Variants in DISC1 observed in about 807,000 individuals in gnomAD.
DISC1 encodes the protein disrupted in schizophrenia 1 protein.
A neutral mutation model predicts 84.5 loss-of-function variants in DISC1; 57 were observed. That is an observed-to-expected ratio of 0.67 (90% CI 0.55 to 0.84). DISC1 has a LOEUF of 0.84. Among genes scored for constraint, DISC1 ranks in the 40% least tolerant of loss-of-function variants. The pLI is 0.00. For missense variants in DISC1, 1,000 were observed against 1,057.8 expected (o/e 0.95, Z 0.76); for synonymous variants, 411 against 415.2 (o/e 0.99, Z 0.12).
At chr1:231,759,592 T>G (rs1318237430) in intron 4 of DISC1, among the ~76,000 whole-genome samples, 1 of 146,404 alleles carries the variant, frequency 6.8e-6, no homozygotes. Context: ...TGTAGTCCTA[T>G]CTACTTGGAA....
intron 4 of DISC1, among the ~76,000 whole-genome samples, chr1:231,766,769 A>T (rs965158948): frequency 1.3e-5 from 2 of 152,230 alleles, no homozygotes; most frequent in Non-Finnish European, 2.9e-5. Context: ...ATGAACTTAA[A>T]AATATTACGA....
intron 4 of DISC1, among the ~76,000 whole-genome samples, chr1:231,762,248 CT>C (rs763126630): frequency 4.8e-5 from 1 of 20,856 alleles, no homozygotes; most frequent in Non-Finnish European, 1.1e-4. Context: ...CTTTTCTTTT[CT>C]TTTCTTTATT....
chr1:231,921,159 C>T (rs2089981241), intron 9 of DISC1, among the ~76,000 whole-genome samples: 1 of 151,984 alleles, frequency 6.6e-6, no homozygotes, highest in Non-Finnish European at 1.5e-5. Context: ...CGTGATCTGC[C>T]CGCCTCGGCC....
At chr1:231,867,518 G>A (rs1010246133) in intron 9 of DISC1, among the ~76,000 whole-genome samples, 5 of 152,162 alleles carry the variant, frequency 3.3e-5, no homozygotes, top group Non-Finnish European at 5.9e-5. Context: ...AGCCATGGGA[G>A]CATCCCCATC....
intron 3 of DISC1, among the ~76,000 whole-genome samples, chr1:231,742,996 CTT>C (rs1035796872): frequency 6.6e-6 from 1 of 152,178 alleles, no homozygotes; most frequent in African/African-American, 2.4e-5. Flanking sequence ...TCTGCGATAA[CTT>C]ATATCTTTCT....
intron 4 of DISC1, among the ~76,000 whole-genome samples, chr1:231,763,378 T>C (rs1011788719): frequency 6.6e-6 from 1 of 152,180 alleles, no homozygotes; most frequent in African/African-American, 2.4e-5. Context: ...AGTACTTTAT[T>C]TTATTATTAT....
At chr1:231,760,893 C>T (rs1295243194) in intron 4 of DISC1, among the ~76,000 whole-genome samples, 3 of 152,152 alleles carry the variant, frequency 2.0e-5, no homozygotes, top group African/African-American at 4.8e-5. Context: ...AGGCGTGCAC[C>T]CCTTAACAAG....
At position 231,771,006 on chromosome 1, in the gene DISC1, C is replaced by T; in HGVS notation, c.1570C>T (p.Gln524Ter). 3.7e-6 allele frequency: 6 copies of T among 1,612,906 alleles called. No individual in the cohort carries two copies. Among genetic ancestry groups the T allele is most frequent in the South Asian group, 1.1e-5 (1 of 90,866 alleles). Reference sequence around the variant, plus strand: ...GCTGCAGGAGGTCAGCAAGGCCTTGCAGGACACCCTGGCCTCAGCCGGTCA... The same window carrying T: ...GCTGCAGGAGGTCAGCAAGGCCTTGTAGGACACCCTGGCCTCAGCCGGTCA... ...GQLQEVSKAL[Q>*]DTLASAGQIP... Residue 524 changes from glutamine to a stop codon, truncating the protein, a stop_gained, in exon 6 of 13, where the codon CAG (glutamine) becomes TAG (stop). Transcript: ENST00000439617. LOFTEE classifies it high-confidence loss of function.
At chr1:231,739,658 CT>C (rs368120569) in intron 3 of DISC1, among the ~76,000 whole-genome samples, 2 of 152,376 alleles carry the variant, frequency 1.3e-5, no homozygotes, top group African/African-American at 4.8e-5. Context: ...AGGAATGTGA[CT>C]TGTTGATCTT....
chr1:231,810,126 G>A (rs2080152084), intron 8 of DISC1, among the ~76,000 whole-genome samples: 1 of 152,288 alleles, frequency 6.6e-6, no homozygotes, highest in African/African-American at 2.4e-5. Flanking sequence ...ACTGGAAAGA[G>A]CAGTTCAGAT....
At position 232,040,764 on chromosome 1, in the gene DISC1, C is replaced by T. The variant is rs1021063903; in HGVS notation, c.*3933C>T. The T allele has an allele frequency of 6.6e-6, 1 of 152,176 alleles. No individual in the cohort carries two copies. Among genetic ancestry groups the T allele is most frequent in the Non-Finnish European group, 1.5e-5 (1 of 68,036 alleles). 9.4% of individuals were successfully genotyped at this position (152,176 alleles called of 1,614,324 possible). On this transcript the variant is annotated 3_prime_UTR_variant, in exon 13 of 13. Coordinates refer to ENST00000439617, the MANE Select transcript of DISC1 (RefSeq NM_018662.3). ...GGGCAAACGAGGCTTCCCACACTGC[C>T]AGGGGAGCCTCACTGTGAAGTCTAG... is the stretch of plus-strand genomic sequence containing the variant.
intron 9 of DISC1, among the ~76,000 whole-genome samples, chr1:231,949,449 G>T (rs918698801): frequency 3.9e-5 from 6 of 152,156 alleles, no homozygotes; most frequent in African/African-American, 1.4e-4. Context: ...CCAACAAAAG[G>T]CTTTCCTCAA....
intron 5 of DISC1, among the ~76,000 whole-genome samples, chr1:231,768,463 A>G (rs1016828062): frequency 1.3e-5 from 2 of 152,222 alleles, no homozygotes; most frequent in Admixed American, 6.5e-5. Flanking sequence ...GTGCATCATT[A>G]TAACGTTTGG....
Position 231,771,590 on chromosome 1 carries a change from C to T in DISC1, c.1634+520C>T, listed in dbSNP as rs536579118. 20 of 985,320 alleles carry T rather than the reference C, an allele frequency of 2.0e-5. No homozygotes were observed. The East Asian group carries it at 3.4e-4, about 17-fold the overall frequency. The allele number at this position is 985,320 out of a possible 1,614,324, so 61.0% of individuals were successfully genotyped here. A position where few individuals can be genotyped will look rare whatever the true frequency, so the allele number is the denominator to read the frequency against. ...TATAAGCTGACTCTATGAGTTACTT[C>T]GGTTGTTGTATTCATTTTACAGGTG... On this transcript the variant is annotated intron_variant, in intron 6 of 12. Coordinates refer to ENST00000439617, the MANE Select transcript of DISC1 (RefSeq NM_018662.3).
chr1:231,886,999 C>T (rs1011976365), intron 9 of DISC1, among the ~76,000 whole-genome samples: 2 of 151,482 alleles, frequency 1.3e-5, no homozygotes, highest in East Asian at 1.9e-4. Context: ...GTACCTGGGA[C>T]TATAGGTGTG....
chr1:231,973,541 A>C (rs1030074620), intron 10 of DISC1, among the ~76,000 whole-genome samples: 2 of 152,226 alleles, frequency 1.3e-5, no homozygotes, highest in Admixed American at 6.5e-5. Flanking sequence ...ATCTGGTTTC[A>C]AAACATAAGA....
chr1:231,626,800 C>A lies in DISC1; in HGVS notation c.-68C>A, dbSNP rs960797870. ...GTCCAGCGCGCTGCTCCCTTCCCCCCGCCTCTGGCCTCGGGGAAGGAGCAG... is the reference window on the plus strand; with the variant it reads ...GTCCAGCGCGCTGCTCCCTTCCCCCAGCCTCTGGCCTCGGGGAAGGAGCAG... On this transcript the variant is annotated 5_prime_UTR_variant, in exon 1 of 13. Coordinates refer to ENST00000439617, the MANE Select transcript of DISC1 (RefSeq NM_018662.3). 22 of 1,208,024 alleles carry A rather than the reference C, an allele frequency of 1.8e-5. No individual in the cohort carries two copies. The East Asian group carries it at 6.7e-4, about 37-fold the overall frequency. 74.8% of individuals were successfully genotyped at this position (1,208,024 alleles called of 1,614,324 possible).
intron 1 of DISC1, among the ~76,000 whole-genome samples, chr1:231,635,956 G>A (rs2059160188): frequency 6.6e-6 from 1 of 152,162 alleles, no homozygotes; most frequent in South Asian, 2.1e-4. Context: ...GAAGGACTGG[G>A]CACATCGGGG....
intron 9 of DISC1, among the ~76,000 whole-genome samples, chr1:231,831,530 G>A (rs2082223571): frequency 6.6e-6 from 1 of 152,168 alleles, no homozygotes; most frequent in Non-Finnish European, 1.5e-5. Flanking sequence ...ACAGAAGTTG[G>A]AGAGCTAGCT....
Sources: gnomAD v4.1 joint callset for allele counts (sites outside exome capture counted in the v4.1 genomes callset) on GRCh38, gnomAD v4.1.1 for gene constraint, MANE v1.5 for transcripts, NCBI Gene and HGNC (gene_info 2026-07-23, HGNC 2026-07-21) for gene names.